Variants in GAB4 observed in about 807,000 individuals in gnomAD.
GAB4 encodes GRB2 associated binding protein family member 4, also known as GRB2-associated-binding protein 4.
A neutral mutation model predicts 51.3 loss-of-function variants in GAB4; 26 were observed. The ratio of observed to expected loss-of-function variants is 0.51; its 90% CI spans 0.37 to 0.70. GAB4 has a LOEUF of 0.70. Ranked by LOEUF, GAB4 falls within the 30% of genes least tolerant of loss-of-function variation. The pLI is 0.00. For synonymous variants in GAB4, 329 were observed against 291.2 expected, an observed-to-expected ratio of 1.13 and a Z score of -1.32; for missense variants, 759 against 734.6, an observed-to-expected ratio of 1.03 and a Z score of -0.38.
At chr22:17,001,811 C>A (rs968751611) in intron 1 of GAB4, among the ~76,000 whole-genome samples, 3 of 152,116 alleles carry the variant, frequency 2.0e-5, no homozygotes, top group Admixed American at 6.5e-5. Flanking sequence ...TGGATTCTAC[C>A]CAGTTCGAGC....
chr22:16,994,830 G>A (rs1472832801), intron 1 of GAB4, among the ~76,000 whole-genome samples: 2 of 152,180 alleles, frequency 1.3e-5, no homozygotes, highest in Non-Finnish European at 2.9e-5. Context: ...CTGCATAAAA[G>A]TCATACGCAC....
intron 8 of GAB4, among the ~76,000 whole-genome samples, chr22:16,964,539 C>T (rs560178799): frequency 1.3e-5 from 2 of 152,282 alleles, no homozygotes; most frequent in South Asian, 2.1e-4. Flanking sequence ...AGGTGGGCTG[C>T]CTCTGCTCTT....
intron 1 of GAB4, among the ~76,000 whole-genome samples, chr22:17,002,664 C>T (rs955618063): frequency 2.0e-5 from 3 of 152,134 alleles, no homozygotes; most frequent in Admixed American, 2.0e-4. Context: ...GAACATCACA[C>T]ACTGGGGCCT....
intron 3 of GAB4, among the ~76,000 whole-genome samples, chr22:16,983,327 C>T (rs118176853): frequency 0.013 from 1,960 of 152,286 alleles, 18 homozygotes; most frequent in Non-Finnish European, 0.022. Flanking sequence ...TTTCACTCCA[C>T]CAGACTTCAT....
At chr22:17,001,069 A>G (rs1424205047) in intron 1 of GAB4, among the ~76,000 whole-genome samples, 2 of 152,168 alleles carry the variant, frequency 1.3e-5, no homozygotes, top group African/African-American at 4.8e-5. Context: ...GCTGACTTCA[A>G]CATTTTTTCT....
intron 3 of GAB4, among the ~76,000 whole-genome samples, chr22:16,984,529 G>C (rs189525429): frequency 1.3e-5 from 2 of 152,144 alleles, no homozygotes; most frequent in South Asian, 2.1e-4. Flanking sequence ...CTGGTTCTCC[G>C]TAAGCTGAGA....
At chr22:16,997,330 G>T (rs1221742380) in intron 1 of GAB4, among the ~76,000 whole-genome samples, 1 of 152,148 alleles carries the variant, frequency 6.6e-6, no homozygotes, top group African/African-American at 2.4e-5. Context: ...TTTAATGACT[G>T]CCATTCTAAC....
chr22:17,005,823 C>T (rs956996993), intron 1 of GAB4, among the ~76,000 whole-genome samples: 3 of 152,192 alleles, frequency 2.0e-5, no homozygotes, highest in African/African-American at 7.2e-5. Context: ...TGGACCCCTT[C>T]CTTATATCTT....
chr22:16,999,481 G>A (rs2060977662), intron 1 of GAB4, among the ~76,000 whole-genome samples: 1 of 152,112 alleles, frequency 6.6e-6, no homozygotes, highest in Non-Finnish European at 1.5e-5. Context: ...GGGATTGGTG[G>A]TGATATCCCC....
intron 9 of GAB4, 21 bp downstream of exon 9, chr22:16,963,704 C>T (rs1298625570): frequency 1.3e-6 from 2 of 1,591,306 alleles, no homozygotes; most frequent in Non-Finnish European, 1.7e-6. Context: ...CTCTGCCCAA[C>T]CCCAGCTCCA....
chr22:16,964,603 G>T lies in GAB4; in HGVS notation c.1476+163C>A, dbSNP rs529136343. Among the ~76,000 whole-genome samples, 10 of 152,254 alleles carry T rather than the reference G, an allele frequency of 6.6e-5. No homozygotes were observed. In the South Asian group the frequency reaches 2.1e-3, roughly 32 times the overall value. On this transcript the variant is annotated intron_variant, in intron 8 of 9. Coordinates refer to ENST00000400588, the MANE Select transcript of GAB4 (RefSeq NM_001037814.1). ...CATCATCTTCCTAACCCTAATGATT[G>T]CCTGATACACCTGTGCTCAAGAAGA...
intron 2 of GAB4, among the ~76,000 whole-genome samples, chr22:16,989,865 G>A (rs547770168): frequency 1.3e-5 from 2 of 152,336 alleles, no homozygotes; most frequent in South Asian, 4.1e-4. Flanking sequence ...GGGTGATCCT[G>A]TCCTCCCACA....
At chr22:16,976,643 C>T (rs150777457) in intron 3 of GAB4, among the ~76,000 whole-genome samples, 14 of 152,186 alleles carry the variant, frequency 9.2e-5, no homozygotes, top group African/African-American at 3.4e-4. Flanking sequence ...GAGAAGCCAA[C>T]ATTCAAATTC....
At position 16,978,945 on chromosome 22, in the gene GAB4, A is replaced by C. The variant is rs572832923; in HGVS notation, c.687-8752T>G. On this transcript the variant is annotated intron_variant, in intron 3 of 9. Coordinates refer to ENST00000400588, the MANE Select transcript of GAB4 (RefSeq NM_001037814.1). ...ATGACAAAAACCACATGATTATCTCAATAGATGCAGAAAAGGCCTTCAATA... is the reference window on the plus strand; with the variant it reads ...ATGACAAAAACCACATGATTATCTCCATAGATGCAGAAAAGGCCTTCAATA... Among the ~76,000 whole-genome samples the C allele has an allele frequency of 2.0e-5, 3 of 152,326 alleles. No individual in the cohort carries two copies. In the South Asian group the frequency reaches 6.2e-4, roughly 32 times the overall value.
chr22:16,966,900 T>C (rs1471344330), intron 5 of GAB4: 1 of 156,098 alleles, frequency 6.4e-6, no homozygotes, highest in Non-Finnish European at 1.4e-5. Context: ...GGAGACTAAG[T>C]CCTCTGCCTC....
At chr22:16,963,924 G>T in intron 8 of GAB4, 95 bp from the exon 9 acceptor site, 1 of 902,226 alleles carries the variant, frequency 1.1e-6, no homozygotes, top group Non-Finnish European at 1.8e-6. Flanking sequence ...CGAGCCCACT[G>T]GGTCCTACTC....
At position 16,963,542 on chromosome 22, in the gene GAB4, G is replaced by A. The variant is rs546962634; in HGVS notation, c.1581+183C>T. Among the ~76,000 whole-genome samples, 73 of 152,214 alleles carry A rather than the reference G, an allele frequency of 4.8e-4. No homozygotes were observed. In the South Asian group the frequency reaches 0.011, roughly 24 times the overall value. On this transcript the variant is annotated intron_variant, in intron 9 of 9. Coordinates refer to ENST00000400588, the MANE Select transcript of GAB4 (RefSeq NM_001037814.1). Reference sequence around the variant, plus strand: ...CGGGGCAGGCTGATGAAGGCACCACGCTGAGAGGGAAGGAACAGGAGCCCC... The same window carrying A: ...CGGGGCAGGCTGATGAAGGCACCACACTGAGAGGGAAGGAACAGGAGCCCC...
At chr22:16,981,236 AAAGT>A (rs1301445923) in intron 3 of GAB4, among the ~76,000 whole-genome samples, 3 of 151,300 alleles carry the variant, frequency 2.0e-5, no homozygotes, top group African/African-American at 7.2e-5. Flanking sequence ...AAAAAGTTCA[AAAGT>A]AAGAAAAAAC....
At chr22:16,976,277 G>A (rs2060777606) in intron 3 of GAB4, among the ~76,000 whole-genome samples, 1 of 152,100 alleles carries the variant, frequency 6.6e-6, no homozygotes, top group Non-Finnish European at 1.5e-5. Context: ...CTTGATAAAA[G>A]GTTACAGGAA....
Sources: gnomAD v4.1 joint callset for allele counts (sites outside exome capture counted in the v4.1 genomes callset) on GRCh38, gnomAD v4.1.1 for gene constraint, MANE v1.5 for transcripts, NCBI Gene and HGNC (gene_info 2026-07-23, HGNC 2026-07-21) for gene names.